The following HDAC4 variants were observed in gnomAD, a reference collection of about 807,000 sequenced individuals.
HDAC4 encodes the protein histone deacetylase A.
A neutral mutation model predicts 135.1 loss-of-function variants in HDAC4; 16 were observed. That is an observed-to-expected ratio of 0.12 (90% CI 0.08 to 0.18). The LOEUF (loss-of-function observed/expected upper bound fraction) is 0.18, where lower values mean the gene tolerates loss of function less well. HDAC4 is among the 10% of genes least tolerant of loss of function. HDAC4 has a pLI of 1.00. For missense variants in HDAC4, 1,143 were observed against 1,511.8 expected, an observed-to-expected ratio of 0.76 and a Z score of 4.05; for synonymous variants, 685 against 653.4, an observed-to-expected ratio of 1.05 and a Z score of -0.74.
intron 2 of HDAC4, among the ~76,000 whole-genome samples, chr2:239,295,306 CAAAAAAAAAAAAAAAAAAA>C (rs55990119): frequency 4.3e-5 from 2 of 46,560 alleles, no homozygotes; most frequent in Middle Eastern, 0.036. Context: ...GACTCCGTCT[CAAAAAAAAAAAAAAAAAAA>C]AAAAAAAAGA....
At chr2:239,291,326 G>A (rs2051482463) in intron 2 of HDAC4, among the ~76,000 whole-genome samples, 1 of 152,230 alleles carries the variant, frequency 6.6e-6, no homozygotes, top group Non-Finnish European at 1.5e-5. Context: ...GGCCTTGCCA[G>A]GCCAGCTGCG....
intron 2 of HDAC4, among the ~76,000 whole-genome samples, chr2:239,249,997 C>T (rs1186844937): frequency 6.6e-6 from 1 of 152,112 alleles, no homozygotes; most frequent in East Asian, 1.9e-4. Flanking sequence ...TTCCGGGCCT[C>T]CCGCCTCTGG....
At chr2:239,168,729 A>G (rs1559546982) in intron 5 of HDAC4, among the ~76,000 whole-genome samples, 1 of 152,216 alleles carries the variant, frequency 6.6e-6, no homozygotes, top group Non-Finnish European at 1.5e-5. Flanking sequence ...CCGCTTACAT[A>G]AGAGCCCCCG....
At chr2:239,213,947 G>T (rs1034740433) in intron 3 of HDAC4, among the ~76,000 whole-genome samples, 6 of 152,248 alleles carry the variant, frequency 3.9e-5, no homozygotes, top group Non-Finnish European at 5.9e-5. Context: ...AGGCAGGGAG[G>T]TAGAGAAATC....
intron 2 of HDAC4, among the ~76,000 whole-genome samples, chr2:239,346,938 A>G (rs1439491913): frequency 1.1e-5 from 1 of 87,324 alleles, no homozygotes; most frequent in Admixed American, 1.1e-4. Context: ...CACACACCCT[A>G]ACACATACAC....
At chr2:239,334,285 C>T (rs534712612) in intron 2 of HDAC4, among the ~76,000 whole-genome samples, 6 of 151,896 alleles carry the variant, frequency 4.0e-5, no homozygotes, top group East Asian at 1.9e-4. Context: ...TTTGGGAGGC[C>T]GAGGAGGACG....
rs145348950 is a variant in HDAC4 at position 239,145,697 on chromosome 2, C to T, written c.734-983G>A. On this transcript the variant is annotated intron_variant, in intron 7 of 26. Transcript: ENST00000543185. ...AGATTCTACCACTTGGAGATTTGCA[C>T]ATTAGGGAGATTTTACCTCTTCTTA... Among the ~76,000 whole-genome samples the T allele has an allele frequency of 3.8e-3, 581 of 152,274 alleles. 4 individuals are homozygous for T. The highest frequency in any genetic ancestry group is 0.013 in the African/African-American group (529 of 41,544).
In HDAC4 at chr2:239,262,855, T is replaced by C. The variant is rs1167574980; in HGVS notation, c.23-26191A>G. 6.6e-6 allele frequency among the ~76,000 whole-genome samples: 1 copy of C among 152,120 alleles called. No individual in the cohort carries two copies. Among genetic ancestry groups the C allele is most frequent in the Non-Finnish European group, 1.5e-5 (1 of 68,012 alleles). ...GCAGCTCTTGGAAAAGCTGGTGCCC[T>C]GGTGAGCAGGAGAGCGTGAGGCTCT... On this transcript the variant is annotated intron_variant, in intron 2 of 26. Coordinates refer to ENST00000543185, the MANE Select transcript of HDAC4 (RefSeq NM_001378414.1). This position sits in a 1 kb window ranked among gnomAD's most constrained non-coding sequence, Gnocchi z 4.1.
At chr2:239,363,768 C>T (rs1482299544) in intron 1 of HDAC4, among the ~76,000 whole-genome samples, 1 of 152,086 alleles carries the variant, frequency 6.6e-6, no homozygotes, top group Non-Finnish European at 1.5e-5. Context: ...TCAAAAGATG[C>T]AGAAGAGGGA....
chr2:239,113,664 T>C (rs1034923729), intron 13 of HDAC4, among the ~76,000 whole-genome samples: 2 of 152,170 alleles, frequency 1.3e-5, no homozygotes, highest in African/African-American at 4.8e-5. Flanking sequence ...TGTAAATAGT[T>C]TCCCATTTCT....
chr2:239,134,285 G>T lies in HDAC4; in HGVS notation c.1254C>A (p.Val418=). 1 of 1,613,288 alleles carries T rather than the reference G, an allele frequency of 6.2e-7. No individual in the cohort carries two copies. Among genetic ancestry groups the T allele is most frequent in the South Asian group, 1.1e-5 (1 of 91,080 alleles). ...CTTGTGCCGGCGGCTGCTCCAGTAA[G>T]ACCATGTGCTGCAGAAGAGGGCTGT... ...AAHSPLLQHM[V]LLEQPPAQAP... Residue 418 remains valine (V), a synonymous_variant, in exon 11 of 27, where the codon GTC becomes GTA. Transcript: ENST00000543185.
chr2:239,059,636 T>TA (rs1442561197), intron 24 of HDAC4, among the ~76,000 whole-genome samples: 5 of 152,234 alleles, frequency 3.3e-5, no homozygotes, highest in Non-Finnish European at 7.3e-5. Context: ...CTATAACCAT[T>TA]AAAGTCACTG....
rs976029939 is a variant in HDAC4, at chr2:239,052,861, G to A, written c.*236C>T. The A allele has an allele frequency of 2.3e-5, 13 of 575,552 alleles. No individual in the cohort carries two copies. Among genetic ancestry groups the A allele is most frequent in the African/African-American group, 1.1e-4 (6 of 53,368 alleles). 35.7% of individuals were successfully genotyped at this position (575,552 alleles called of 1,614,324 possible). On this transcript the variant is annotated 3_prime_UTR_variant, in exon 27 of 27. Coordinates refer to ENST00000543185, the MANE Select transcript of HDAC4 (RefSeq NM_001378414.1). ...CTTCCGCGTGTCCGTGTGTCTGCGC[G>A]TCGCCGGCGTCTGTCCCGTGTTCCC...
intron 3 of HDAC4, among the ~76,000 whole-genome samples, chr2:239,199,778 G>T (rs1254498496): frequency 1.3e-5 from 2 of 151,440 alleles, no homozygotes; most frequent in Non-Finnish European, 2.9e-5. Flanking sequence ...CTGTCACCCA[G>T]GCTGGAGTGC....
intron 12 of HDAC4, among the ~76,000 whole-genome samples, chr2:239,118,119 G>C (rs2039308170): frequency 6.6e-6 from 1 of 152,150 alleles, no homozygotes; most frequent in South Asian, 2.1e-4. Context: ...CACACAACAT[G>C]GTGAGTTTTC....
intron 4 of HDAC4, among the ~76,000 whole-genome samples, chr2:239,184,729 T>C (rs1359902124): frequency 1.0e-5 from 1 of 98,096 alleles, no homozygotes; most frequent in Non-Finnish European, 2.1e-5. Flanking sequence ...TCCCTCAGTG[T>C]CTGTCCTGGA....
intron 4 of HDAC4, among the ~76,000 whole-genome samples, chr2:239,189,289 C>T (rs937328743): frequency 3.3e-5 from 5 of 152,060 alleles, no homozygotes; most frequent in South Asian, 2.1e-4. Flanking sequence ...GTACATATTT[C>T]CAATTGATTT....
intron 22 of HDAC4, among the ~76,000 whole-genome samples, chr2:239,080,332 C>T (rs1409750038): frequency 6.6e-6 from 1 of 152,262 alleles, no homozygotes; most frequent in East Asian, 1.9e-4. Flanking sequence ...CGTTTTCTAA[C>T]AGAGACACGG....
intron 3 of HDAC4, among the ~76,000 whole-genome samples, chr2:239,207,181 A>C (rs1438084051): frequency 6.6e-6 from 1 of 152,216 alleles, no homozygotes; most frequent in Non-Finnish European, 1.5e-5. Flanking sequence ...AGAAGAAGCC[A>C]TAACAGTTAA....
Sources: gnomAD v4.1 joint callset for allele counts (sites outside exome capture counted in the v4.1 genomes callset) on GRCh38, gnomAD v4.1.1 for gene constraint, Gnocchi (gnomAD v3.1) non-coding constraint, MANE v1.5 for transcripts, NCBI Gene and HGNC (gene_info 2026-07-23, HGNC 2026-07-21) for gene names.